ARFRP1: variants seen among roughly 807,000 people sequenced by gnomAD.
ARFRP1 encodes ARF related protein 1, also known as ADP-ribosylation factor-related protein 1.
ARFRP1 carries 19 observed loss-of-function variants against 30.3 expected under a neutral mutation model. That is an observed-to-expected ratio of 0.63 (90% CI 0.44 to 0.92). The LOEUF (loss-of-function observed/expected upper bound fraction) is 0.92, where lower values mean the gene tolerates loss of function less well. Ranked by LOEUF, ARFRP1 falls within the 40% of genes least tolerant of loss-of-function variation. The pLI is 0.00. For synonymous variants in ARFRP1, 133 were observed against 114.2 expected (o/e 1.16, Z -1.05); for missense variants, 245 against 267.5 (o/e 0.92, Z 0.59).
At chr20:63,707,375 A>G in intron 1 of ARFRP1, 1 of 367,184 alleles carries the variant, frequency 2.7e-6, no homozygotes, top group South Asian at 3.9e-5. Flanking sequence ...CCGGGTGTTC[A>G]CAGTGAGCTC....
intron 4 of ARFRP1, chr20:63,705,787 C>A (rs750503052): frequency 5.6e-6 from 3 of 531,782 alleles, no homozygotes; most frequent in Non-Finnish European, 1.2e-5. Flanking sequence ...TTTGTCTTGT[C>A]CTGACTGAGA....
chr20:63,701,121 A>T (rs2091182991), intron 6 of ARFRP1: 1 of 417,018 alleles, frequency 2.4e-6, no homozygotes, highest in South Asian at 1.8e-5. Flanking sequence ...GCTCACAACC[A>T]CCTGCCCAGT....
chr20:63,700,368 G>C lies in ARFRP1; in HGVS notation c.*75C>G, dbSNP rs2091137985. The stretch of plus-strand genomic sequence containing the variant: ...CAAAGCAAACCCACCCCCCAGATCA[G>C]CAGCATGGGAGCCAACAGGAGGCCA... On this transcript the variant is annotated 3_prime_UTR_variant, in exon 8 of 8. Coordinates refer to ENST00000622789, the MANE Select transcript of ARFRP1 (RefSeq NM_001267547.3). 6.3e-7 allele frequency: 1 copy of C among 1,585,308 alleles called. No homozygotes were observed.
chr20:63,701,720 C>T, intron 6 of ARFRP1, 110 bp downstream of exon 6: 1 of 1,015,954 alleles, frequency 9.8e-7, no homozygotes, highest in Non-Finnish European at 1.5e-6. Context: ...GGCTCTGTAC[C>T]CCCTGGGCAG....
intron 2 of ARFRP1, 23 bp downstream of exon 2, chr20:63,706,976 C>G: frequency 6.2e-7 from 1 of 1,611,758 alleles, no homozygotes; most frequent in Non-Finnish European, 8.5e-7. Flanking sequence ...GGGAAAGGTG[C>G]GCGCAAGGGC....
chr20:63,707,905 C>G lies in ARFRP1; in HGVS notation c.-45G>C, dbSNP rs1429484804. On this transcript the variant is annotated 5_prime_UTR_variant, in exon 1 of 8. Transcript: ENST00000622789. ...GCCCTCGGAGCCGCTGCTGCTGACC[C>G]CCGCTGACCTCCGCTGACCCCGCGC... The G allele has an allele frequency of 6.5e-6, 1 of 152,800 alleles. No individual in the cohort carries two copies. Among genetic ancestry groups the G allele is most frequent in the African/African-American group, 2.4e-5 (1 of 41,476 alleles). The allele number at this position is 152,800 out of a possible 1,614,324, so 9.5% of individuals were successfully genotyped here.
Position 63,701,998 on chromosome 20 carries a change from GCCCCC to G in ARFRP1, c.347-103_347-99del, listed in dbSNP as rs59166240. 3.7e-3 allele frequency: 2,121 copies of G among 578,818 alleles called. 7 individuals are homozygous for G. Among genetic ancestry groups the G allele is most frequent in the East Asian group, 7.2e-3 (213 of 29,676 alleles). 35.9% of individuals were successfully genotyped at this position (578,818 alleles called of 1,614,324 possible). A position where few individuals can be genotyped will look rare whatever the true frequency, so the allele number is the denominator to read the frequency against. On this transcript the variant is annotated intron_variant, in intron 5 of 7. Coordinates refer to ENST00000622789, the MANE Select transcript of ARFRP1 (RefSeq NM_001267547.3). ...GGACACTGTGACAGCCACTCCCTCT[GCCCCC>G]CCCCCCCCCGTCACCCACTAGGCAG...
intron 4 of ARFRP1, chr20:63,702,478 C>T (rs1013403436): frequency 3.5e-5 from 18 of 508,262 alleles, no homozygotes; most frequent in African/African-American, 2.3e-4. Flanking sequence ...TTGGGCCAGG[C>T]GTGGTGGCTC....
chr20:63,705,782 CT>C (rs1330118777), intron 4 of ARFRP1: 2 of 531,900 alleles, frequency 3.8e-6, no homozygotes, highest in Admixed American at 3.9e-5. Context: ...CACACTTTGT[CT>C]TGTCCTGACT....
At chr20:63,700,893 G>A (rs1160128199) in intron 6 of ARFRP1, 191 bp from the exon 7 acceptor site, 1 of 732,584 alleles carries the variant, frequency 1.4e-6, no homozygotes, top group African/African-American at 1.8e-5. Context: ...AACATGGCTG[G>A]TAGTGCCTGA....
intron 5 of ARFRP1, 105 bp from the exon 6 acceptor site, chr20:63,702,005 C>CCCT: frequency 1.0e-6 from 1 of 967,376 alleles, no homozygotes; most frequent in Non-Finnish European, 1.5e-6. Context: ...TCTGCCCCCC[C>CCCT]CCCCCCCGTC....
rs2091141983 is a variant in ARFRP1, at chr20:63,700,430, AGCGCGGCT to A, written c.*5_*12del. On this transcript the variant is annotated 3_prime_UTR_variant, in exon 8 of 8. Transcript: ENST00000622789. The stretch of plus-strand genomic sequence containing the variant: ...CCAGGGGACCAGCCGTCCCGACGGC[AGCGCGGCT>A]GCGCCTACGTGATGTCCCTCTGCCG... The A allele has an allele frequency of 1.2e-6, 2 of 1,606,774 alleles. No homozygotes were observed. Among genetic ancestry groups the A allele is most frequent in the Middle Eastern group, 2.2e-4 (1 of 4,448 alleles).
Position 63,700,340 on chromosome 20 carries a change from A to G in ARFRP1, c.*103T>C. ...AAACAAAGTAAATAGAAGAACCCCA[A>G]AGCAAAGCAAACCCACCCCCCAGAT... On this transcript the variant is annotated 3_prime_UTR_variant, in exon 8 of 8. Coordinates refer to ENST00000622789, the MANE Select transcript of ARFRP1 (RefSeq NM_001267547.3). 6.6e-7 allele frequency: 1 copy of G among 1,518,238 alleles called. No individual in the cohort carries two copies. The highest frequency in any genetic ancestry group is 8.9e-7 in the Non-Finnish European group (1 of 1,120,698). The allele number at this position is 1,518,238 out of a possible 1,614,324, so 94.0% of individuals were successfully genotyped here. A position where few individuals can be genotyped will look rare whatever the true frequency, so the allele number is the denominator to read the frequency against.
chr20:63,700,747 T>C (rs749165004), intron 6 of ARFRP1, 45 bp from the exon 7 acceptor site: 76 of 1,595,400 alleles, frequency 4.8e-5, no homozygotes, highest in Non-Finnish European at 6.2e-5. Context: ...CGTCTGGCCC[T>C]GTCCTGCCTG....
chr20:63,702,033 A>G, intron 5 of ARFRP1, 103 bp downstream of exon 5: 1 of 830,762 alleles, frequency 1.2e-6, no homozygotes, highest in Non-Finnish European at 1.8e-6. Flanking sequence ...AGGCAGGAGC[A>G]CTTCTGACCA....
Position 63,700,449 on chromosome 20 carries a change from G to A in ARFRP1, c.600C>T (p.Ile200=). 6.2e-7 allele frequency: 1 copy of A among 1,608,882 alleles called. No homozygotes were observed. The highest frequency in any genetic ancestry group is 1.7e-5 in the Admixed American group (1 of 60,020). Residue 200 remains isoleucine, a synonymous_variant, in exon 8 of 8, where the codon ATC becomes ATT. Coordinates refer to ENST00000622789, the MANE Select transcript of ARFRP1 (RefSeq NM_001267547.3). ...NVHRPPRQRD[I]T is the part of the protein sequence containing the mutation. ...GACGGCAGCGCGGCTGCGCCTACGTGATGTCCCTCTGCCGCGGCGGCCGGT... is the reference window on the plus strand; with the variant it reads ...GACGGCAGCGCGGCTGCGCCTACGTAATGTCCCTCTGCCGCGGCGGCCGGT...
At chr20:63,705,462 C>A in intron 4 of ARFRP1, 2 of 387,328 alleles carry the variant, frequency 5.2e-6, no homozygotes, top group East Asian at 6.4e-5. Context: ...AGTGCCTGGC[C>A]CAGGCTGAGA....
At chr20:63,701,554 G>C (rs888137440) in intron 6 of ARFRP1, 6 of 578,634 alleles carry the variant, frequency 1.0e-5, no homozygotes, top group Non-Finnish European at 1.9e-5. Flanking sequence ...ACACTCCTGA[G>C]ACACGGCCGC....
At position 63,698,859 on chromosome 20, in the gene ARFRP1, T is replaced by C; in HGVS notation, c.*1584A>G. ...GTGCCACCTCTGCCCCCAGTGGCTG[T>C]GGCACGTGGCAGGGGCCCCTGAAGC... On this transcript the variant is annotated 3_prime_UTR_variant, in exon 8 of 8. Coordinates refer to ENST00000622789, the MANE Select transcript of ARFRP1 (RefSeq NM_001267547.3). The C allele has an allele frequency of 3.5e-6, 1 of 282,676 alleles. No homozygotes were observed. The allele number at this position is 282,676 out of a possible 1,614,324, so 17.5% of individuals were successfully genotyped here. A position where few individuals can be genotyped will look rare whatever the true frequency, so the allele number is the denominator to read the frequency against.
Sources: gnomAD v4.1 joint callset for allele counts on GRCh38, gnomAD v4.1.1 for gene constraint, MANE v1.5 for transcripts, NCBI Gene and HGNC (gene_info 2026-07-23, HGNC 2026-07-21) for gene names.